The following SH3BP5 variants were observed in gnomAD, a reference collection of about 807,000 sequenced individuals.
SH3BP5 encodes the protein SH3 domain binding protein 5, also known as SH3 domain-binding protein 5.
A neutral mutation model predicts 43.3 loss-of-function variants in SH3BP5; 22 were observed. The ratio of observed to expected loss-of-function variants is 0.51; its 90% CI spans 0.36 to 0.73. The LOEUF (loss-of-function observed/expected upper bound fraction) is 0.73. Among genes scored for constraint, SH3BP5 ranks in the 30% least tolerant of loss-of-function variants. The pLI, the probability that SH3BP5 is intolerant of heterozygous loss-of-function variation, is 0.00. For synonymous variants in SH3BP5, 255 were observed against 225.8 expected, an observed-to-expected ratio of 1.13 and a Z score of -1.16; for missense variants, 529 against 586.9, an observed-to-expected ratio of 0.90 and a Z score of 1.02.
In SH3BP5 at chr3:15,332,409, G is replaced by T. The variant is rs1423356549; in HGVS notation, c.-1C>A. 2.6e-6 allele frequency: 4 copies of T among 1,532,508 alleles called. No individual in the cohort carries two copies. In the South Asian group the frequency reaches 4.8e-5, roughly 18 times the overall value. The allele number at this position is 1,532,508 out of a possible 1,614,324, so 94.9% of individuals were successfully genotyped here. On this transcript the variant is annotated 5_prime_UTR_variant, in exon 1 of 9. Transcript: ENST00000383791. ...GGCTCCGCTTCAGTGCCGCGTCCAT[G>T]CAGGCAGCCGGCACGCGCGCCGCGC...
intron 3 of SH3BP5, among the ~76,000 whole-genome samples, chr3:15,284,071 T>C (rs1032420331): frequency 1.3e-5 from 2 of 152,162 alleles, no homozygotes; most frequent in Admixed American, 6.5e-5. Context: ...CAGGGCCCCA[T>C]ATTATCCCCC....
In SH3BP5 at chr3:15,332,436, G is replaced by GT. The variant is rs1470274442; in HGVS notation, c.-29dup. ...AGGCAGCCGGCACGCGCGCCGCGCA[G>GT]TGGGCTCCGGAGCGCCCCGGGGGTC... is the stretch of plus-strand genomic sequence containing the variant. On this transcript the variant is annotated 5_prime_UTR_variant, in exon 1 of 9. Coordinates refer to ENST00000383791, the MANE Select transcript of SH3BP5 (RefSeq NM_004844.5). 6.6e-7 allele frequency: 1 copy of GT among 1,523,372 alleles called. No individual in the cohort carries two copies. Among genetic ancestry groups the GT allele is most frequent in the African/African-American group, 1.4e-5 (1 of 71,884 alleles). 94.4% of individuals were successfully genotyped at this position (1,523,372 alleles called of 1,614,324 possible).
chr3:15,338,918 T>C (rs565864307), intron 1 of SH3BP5, among the ~76,000 whole-genome samples: 53 of 152,232 alleles, frequency 3.5e-4, no homozygotes, highest in African/African-American at 1.2e-3. Flanking sequence ...GGTAAATGTC[T>C]GACCTCTCCC....
chr3:15,318,764 G>T (rs1430104459), intron 2 of SH3BP5, among the ~76,000 whole-genome samples: 1 of 152,108 alleles, frequency 6.6e-6, no homozygotes, highest in African/African-American at 2.4e-5. Flanking sequence ...TAGAGATAGG[G>T]TTTCGCCATG....
intron 2 of SH3BP5, among the ~76,000 whole-genome samples, chr3:15,327,410 A>C (rs1698492497): frequency 6.6e-6 from 1 of 150,756 alleles, no homozygotes; most frequent in Non-Finnish European, 1.5e-5. Context: ...AGGAAAAAAA[A>C]AACAAAACAA....
intron 2 of SH3BP5, among the ~76,000 whole-genome samples, chr3:15,326,731 C>T (rs1258204605): frequency 6.6e-6 from 1 of 152,122 alleles, no homozygotes; most frequent in Non-Finnish European, 1.5e-5. Flanking sequence ...CTACTTAGTG[C>T]CATGTCTTTC....
intron 2 of SH3BP5, among the ~76,000 whole-genome samples, chr3:15,313,589 T>C (rs1320309034): frequency 6.6e-6 from 1 of 152,220 alleles, no homozygotes; most frequent in African/African-American, 2.4e-5. Context: ...ATCCAATCTA[T>C]TCTCTAAGAG....
intron 4 of SH3BP5, among the ~76,000 whole-genome samples, chr3:15,265,711 G>C (rs1696621143): frequency 6.6e-6 from 1 of 152,038 alleles, no homozygotes; most frequent in Non-Finnish European, 1.5e-5. Flanking sequence ...TGTGTGCAGT[G>C]ATGTGGGTCA....
intron 3 of SH3BP5, among the ~76,000 whole-genome samples, chr3:15,270,512 CTAAT>C (rs571434770): frequency 9.8e-4 from 149 of 152,298 alleles, no homozygotes; most frequent in African/African-American, 3.4e-3. Flanking sequence ...AGAGAAGGAC[CTAAT>C]TAATTAACAC....
At chr3:15,272,497 G>A (rs1696829957) in intron 3 of SH3BP5, among the ~76,000 whole-genome samples, 1 of 152,106 alleles carries the variant, frequency 6.6e-6, no homozygotes. Flanking sequence ...GGGCTGATGA[G>A]GTGGGGGACA....
At chr3:15,338,184 A>C (rs1475991847) in intron 1 of SH3BP5, among the ~76,000 whole-genome samples, 2 of 152,046 alleles carry the variant, frequency 1.3e-5, no homozygotes, top group East Asian at 3.9e-4. Context: ...TCTACCAAAA[A>C]ATACAAAAAC....
chr3:15,275,190 T>C (rs978709772), intron 3 of SH3BP5, among the ~76,000 whole-genome samples: 5 of 152,192 alleles, frequency 3.3e-5, no homozygotes, highest in Non-Finnish European at 7.4e-5. Flanking sequence ...GGGAAGATTC[T>C]GCAAAGCAGG....
chr3:15,272,249 A>C (rs1696822774), intron 3 of SH3BP5, among the ~76,000 whole-genome samples: 1 of 152,210 alleles, frequency 6.6e-6, no homozygotes, highest in Non-Finnish European at 1.5e-5. Context: ...ACTGCATACC[A>C]GACCCAGACC....
intron 2 of SH3BP5, among the ~76,000 whole-genome samples, chr3:15,326,219 G>T (rs746734568): frequency 4.6e-5 from 7 of 152,202 alleles, no homozygotes; most frequent in Non-Finnish European, 1.0e-4. Context: ...GGCAAACCCA[G>T]GTTGCAGGAA....
intron 4 of SH3BP5, among the ~76,000 whole-genome samples, chr3:15,269,415 C>T (rs539207393): frequency 1.2e-4 from 18 of 152,284 alleles, no homozygotes; most frequent in South Asian, 2.1e-4. Context: ...TGGAAAACCT[C>T]GTCCCTCTGG....
At chr3:15,294,091 A>AAG (rs1553616672) in intron 3 of SH3BP5, among the ~76,000 whole-genome samples, 15 of 151,580 alleles carry the variant, frequency 9.9e-5, no homozygotes, top group African/African-American at 3.4e-4. Context: ...AAAAAAAAAA[A>AAG]AAAAGAAAAG....
chr3:15,257,142 G>A (rs764570300), intron 7 of SH3BP5, 29 bp from the exon 8 acceptor site: 3 of 1,604,042 alleles, frequency 1.9e-6, no homozygotes, highest in Admixed American at 1.7e-5. Context: ...CCAGTCACAT[G>A]GGTTCTGTCA....
upstream of SH3BP5, among the ~76,000 whole-genome samples, chr3:15,334,945 G>T (rs2124839870): frequency 6.6e-6 from 1 of 151,302 alleles, no homozygotes; most frequent in East Asian, 1.9e-4. Flanking sequence ...GCAAGACCCT[G>T]TCTCAAAATA....
intron 2 of SH3BP5, chr3:15,304,443 G>T: frequency 1.4e-6 from 1 of 736,348 alleles, no homozygotes; most frequent in Non-Finnish European, 2.3e-6. Flanking sequence ...AGTGCAGTGT[G>T]GCGGCCACCA....
Sources: allele counts gnomAD v4.1 joint callset (sites outside exome capture counted in the v4.1 genomes callset), GRCh38; gene constraint gnomAD v4.1.1; transcripts MANE v1.5; gene names NCBI Gene and HGNC (gene_info 2026-07-23, HGNC 2026-07-21).